Variants in OSTN observed in about 807,000 individuals in gnomAD.
OSTN encodes the protein osteocrin.
OSTN carries 9 observed loss-of-function variants against 12.0 expected under a neutral mutation model. The ratio of observed to expected loss-of-function variants is 0.75; its 90% CI spans 0.45 to 1.30. The LOEUF (loss-of-function observed/expected upper bound fraction) is 1.30, where lower values mean the gene tolerates loss of function less well. Ranked by LOEUF, OSTN falls within the 50% of genes most tolerant of loss-of-function variation. The probability of loss-of-function intolerance (pLI) is 0.00; values close to 1 mark genes in which losing one functional copy is unlikely to be tolerated. For missense variants in OSTN, 148 were observed against 152.3 expected, an observed-to-expected ratio of 0.97 and a Z score of 0.15; for synonymous variants, 59 against 56.9, an observed-to-expected ratio of 1.04 and a Z score of -0.16.
At chr3:191,238,740 G>A (rs1715257425) in intron 3 of OSTN, among the ~76,000 whole-genome samples, 3 of 152,272 alleles carry the variant, frequency 2.0e-5, no homozygotes, top group African/African-American at 2.4e-5. Flanking sequence ...ATGATCTTGG[G>A]CCATTGTTGC....
chr3:191,222,209 T>C (rs1216227988), intron 3 of OSTN, among the ~76,000 whole-genome samples: 2 of 152,178 alleles, frequency 1.3e-5, no homozygotes, highest in Non-Finnish European at 2.9e-5. Context: ...AGCTCCCACA[T>C]AGAGTCCCCA....
At chr3:191,199,496 G>T (rs1054527221) in intron 1 of OSTN, among the ~76,000 whole-genome samples, 189 bp downstream of exon 1, 1 of 151,902 alleles carries the variant, frequency 6.6e-6, no homozygotes, top group Non-Finnish European at 1.5e-5. Context: ...AGAACTAATT[G>T]CTTATTCAGA....
At chr3:191,227,515 G>A (rs965402822) in intron 3 of OSTN, among the ~76,000 whole-genome samples, 3 of 152,126 alleles carry the variant, frequency 2.0e-5, no homozygotes, top group East Asian at 1.9e-4. Context: ...TAGTAAAAGT[G>A]TGTTTAGAAG....
intron 3 of OSTN, among the ~76,000 whole-genome samples, chr3:191,228,108 G>A (rs188597440): frequency 1.3e-5 from 2 of 152,110 alleles, no homozygotes; most frequent in South Asian, 4.1e-4. Flanking sequence ...TGTAATTGAT[G>A]ATCTTACTGA....
chr3:191,259,336 C>T (rs1163734444), intron 4 of OSTN, among the ~76,000 whole-genome samples: 1 of 151,748 alleles, frequency 6.6e-6, no homozygotes, highest in East Asian at 1.9e-4. Context: ...CCAGGAGCTA[C>T]GCCCCCTGGC....
At chr3:191,251,773 G>A (rs1452288541) in intron 4 of OSTN, among the ~76,000 whole-genome samples, 1 of 152,040 alleles carries the variant, frequency 6.6e-6, no homozygotes, top group Non-Finnish European at 1.5e-5. Flanking sequence ...TTATTTCTTC[G>A]TATCTAGAGA....
At chr3:191,227,535 C>T (rs918330121) in intron 3 of OSTN, among the ~76,000 whole-genome samples, 8 of 152,014 alleles carry the variant, frequency 5.3e-5, no homozygotes, top group African/African-American at 1.4e-4. Flanking sequence ...GACGAAAGCA[C>T]GCATAAGGCT....
At position 191,203,241 on chromosome 3, in the gene OSTN, C is replaced by T. The variant is rs118081753; in HGVS notation, c.-1+3934C>T. On this transcript the variant is annotated intron_variant, in intron 1 of 4. Transcript: ENST00000682035. Reference sequence around the variant, plus strand: ...GCTCCATGCATTCATTCAACACACACATTTGACCCTGTGCCAGGCATTCTG... The same window carrying T: ...GCTCCATGCATTCATTCAACACACATATTTGACCCTGTGCCAGGCATTCTG... Among the ~76,000 whole-genome samples the T allele has an allele frequency of 5.6e-4, 86 of 152,334 alleles. No homozygotes were observed. The East Asian group carries it at 0.011, about 19-fold the overall frequency.
Position 191,262,998 on chromosome 3 carries a change from A to G in OSTN, c.*145A>G, listed in dbSNP as rs549798759. On this transcript the variant is annotated 3_prime_UTR_variant, in exon 5 of 5. Coordinates refer to ENST00000682035, the MANE Select transcript of OSTN (RefSeq NM_198184.2). ...CTTTCCAAAGCTTGAACTTCAGTCC[A>G]TCACATTACAGCATTGTTACAGCTT... 4.6e-6 allele frequency: 3 copies of G among 657,468 alleles called. No homozygotes were observed. Among genetic ancestry groups the G allele is most frequent in the Non-Finnish European group, 8.4e-6 (3 of 357,744 alleles). The allele number at this position is 657,468 out of a possible 1,614,324, so 40.7% of individuals were successfully genotyped here. A position where few individuals can be genotyped will look rare whatever the true frequency, so the allele number is the denominator to read the frequency against.
chr3:191,219,382 G>A (rs1024595887), intron 3 of OSTN, among the ~76,000 whole-genome samples: 2 of 152,306 alleles, frequency 1.3e-5, no homozygotes, highest in South Asian at 4.1e-4. Flanking sequence ...ATGAATCTGA[G>A]TGACAAGTTC....
At chr3:191,215,868 G>A (rs770214843) in intron 2 of OSTN, among the ~76,000 whole-genome samples, 32 of 152,192 alleles carry the variant, frequency 2.1e-4, no homozygotes, top group African/African-American at 5.8e-4. Flanking sequence ...GCAAGCTGTC[G>A]GTGGAGCTAT....
chr3:191,246,438 T>C (rs1715433070), intron 3 of OSTN, among the ~76,000 whole-genome samples: 1 of 151,720 alleles, frequency 6.6e-6, no homozygotes, highest in Admixed American at 6.6e-5. Flanking sequence ...AAACCCTGTC[T>C]CTGCTAAAAA....
At chr3:191,241,370 G>T (rs141592491) in intron 3 of OSTN, among the ~76,000 whole-genome samples, 1 of 151,568 alleles carries the variant, frequency 6.6e-6, no homozygotes, top group African/African-American at 2.4e-5. Context: ...ATTTTTAGTA[G>T]AGACGGGGTT....
intron 3 of OSTN, among the ~76,000 whole-genome samples, chr3:191,234,134 T>C (rs1225047970): frequency 6.6e-6 from 1 of 152,240 alleles, no homozygotes; most frequent in Non-Finnish European, 1.5e-5. Context: ...TAAATATTTG[T>C]ACAACTCTTA....
At chr3:191,209,127 C>G (rs1298470114) in intron 1 of OSTN, among the ~76,000 whole-genome samples, 1 of 151,996 alleles carries the variant, frequency 6.6e-6, no homozygotes, top group Non-Finnish European at 1.5e-5. Context: ...CCACGGCACT[C>G]CAGCCTGAGC....
intron 4 of OSTN, among the ~76,000 whole-genome samples, chr3:191,259,340 C>G (rs1194253543): frequency 1.3e-5 from 2 of 151,798 alleles, no homozygotes; most frequent in Non-Finnish European, 2.9e-5. Flanking sequence ...GAGCTACGCC[C>G]CCTGGCTACT....
chr3:191,225,502 A>G (rs192375001), intron 3 of OSTN, among the ~76,000 whole-genome samples: 1 of 152,212 alleles, frequency 6.6e-6, no homozygotes, highest in Admixed American at 6.5e-5. Flanking sequence ...CCAAATCACC[A>G]AAAACTACAT....
At chr3:191,247,622 G>T (rs776878572) in intron 3 of OSTN, among the ~76,000 whole-genome samples, 26 of 152,104 alleles carry the variant, frequency 1.7e-4, no homozygotes, top group Non-Finnish European at 3.1e-4. Flanking sequence ...CTGTAATATT[G>T]TTTGAGTATA....
chr3:191,237,537 T>C (rs572727067), intron 3 of OSTN, among the ~76,000 whole-genome samples: 1 of 152,338 alleles, frequency 6.6e-6, no homozygotes, highest in South Asian at 2.1e-4. Flanking sequence ...AGTGCCCCAT[T>C]TGACCTTGGC....
Sources: gnomAD v4.1 joint callset for allele counts (sites outside exome capture counted in the v4.1 genomes callset) on GRCh38, gnomAD v4.1.1 for gene constraint, MANE v1.5 for transcripts, NCBI Gene and HGNC (gene_info 2026-07-23, HGNC 2026-07-21) for gene names.